ATXN8OS: variants seen among roughly 807,000 people sequenced by gnomAD.
ATXN8OS encodes the protein ATXN8 opposite strand lncRNA.
chr13:70,112,920 A>ATATATTTT (rs1555298511), intron 1 of ATXN8OS, among the ~76,000 whole-genome samples: 1,613 of 87,386 alleles, frequency 0.018, 132 homozygotes, highest in Non-Finnish European at 0.023. Flanking sequence ...TATATATATA[A>ATATATTTT]TTTTTTTTTT....
At chr13:70,107,699 TG>T, upstream of ATXN8OS, 1 of 1,519,856 alleles carries the variant, frequency 6.6e-7, no homozygotes, top group Non-Finnish European at 8.8e-7. Context: ...GAGCCTGACA[TG>T]CTTTACGCAC....
At chr13:70,132,858 A>ATG (rs1555300045) in intron 3 of ATXN8OS, among the ~76,000 whole-genome samples, 9 of 138,968 alleles carry the variant, frequency 6.5e-5, no homozygotes, top group African/African-American at 2.7e-4. Context: ...ACTAAAGTCT[A>ATG]TTTTTTTTTT....
chr13:70,109,620 T>C (rs1888168361), intron 1 of ATXN8OS, among the ~76,000 whole-genome samples: 1 of 152,210 alleles, frequency 6.6e-6, no homozygotes, highest in Non-Finnish European at 1.5e-5. Context: ...TTTTAAAATA[T>C]TGATTTATGC....
intron 2 of ATXN8OS, among the ~76,000 whole-genome samples, chr13:70,126,881 A>G (rs1283609719): frequency 1.3e-5 from 2 of 150,258 alleles, no homozygotes; most frequent in African/African-American, 5.0e-5. Flanking sequence ...ACATTTATAG[A>G]GTTTTCTATA....
At chr13:70,133,707 T>G (rs962506281) in intron 3 of ATXN8OS, among the ~76,000 whole-genome samples, 1 of 152,208 alleles carries the variant, frequency 6.6e-6, no homozygotes, top group African/African-American at 2.4e-5. Context: ...GGAGTTGGGC[T>G]GCTACAGCCA....
intron 4 of ATXN8OS, among the ~76,000 whole-genome samples, chr13:70,148,242 T>C (rs1888816240): frequency 6.6e-6 from 1 of 152,142 alleles, no homozygotes; most frequent in African/African-American, 2.4e-5. Flanking sequence ...GAGTATAAAA[T>C]TTCCCCACAA....
intron 2 of ATXN8OS, among the ~76,000 whole-genome samples, chr13:70,118,536 T>TA (rs1323811898): frequency 2.0e-5 from 3 of 152,080 alleles, no homozygotes; most frequent in African/African-American, 7.2e-5. Flanking sequence ...TATATACATA[T>TA]ATGCATTTAT....
At chr13:70,119,129 C>T (rs528518198) in intron 2 of ATXN8OS, among the ~76,000 whole-genome samples, 4 of 152,024 alleles carry the variant, frequency 2.6e-5, no homozygotes, top group African/African-American at 9.7e-5. Context: ...TAAAGTCTAA[C>T]TAACCCCACA....
intron 3 of ATXN8OS, among the ~76,000 whole-genome samples, chr13:70,140,220 T>C (rs1888691728): frequency 6.6e-6 from 1 of 152,124 alleles, no homozygotes; most frequent in Admixed American, 6.6e-5. Context: ...ATGTGGAAAT[T>C]ATAATAAAAT....
intron 3 of ATXN8OS, among the ~76,000 whole-genome samples, chr13:70,132,876 G>A: frequency 6.7e-6 from 1 of 150,144 alleles, no homozygotes. Context: ...TTTTGCATGT[G>A]CAAAGTCCAA....
chr13:70,148,756 A>G (rs1888823818), intron 4 of ATXN8OS, among the ~76,000 whole-genome samples: 1 of 152,118 alleles, frequency 6.6e-6, no homozygotes, highest in Non-Finnish European at 1.5e-5. Context: ...GTCTCTATCA[A>G]GAATTTGTAG....
upstream of ATXN8OS, chr13:70,107,588 G>A (rs751816506): frequency 3.1e-6 from 5 of 1,602,898 alleles, no homozygotes; most frequent in Admixed American, 1.7e-5. Flanking sequence ...TCCTGTTGCA[G>A]GCAGCCTCCC....
At chr13:70,152,495 A>G (rs1455718106) in intron 4 of ATXN8OS, among the ~76,000 whole-genome samples, 1 of 151,938 alleles carries the variant, frequency 6.6e-6, no homozygotes, top group Non-Finnish European at 1.5e-5. Context: ...ACACACGTGT[A>G]TATGTGTGTG....
At chr13:70,129,420 C>T (rs892431501) in intron 2 of ATXN8OS, among the ~76,000 whole-genome samples, 3 of 150,996 alleles carry the variant, frequency 2.0e-5, no homozygotes, top group Non-Finnish European at 4.4e-5. Flanking sequence ...TTTCACTAAT[C>T]GAAGAAGCTT....
intron 1 of ATXN8OS, among the ~76,000 whole-genome samples, chr13:70,112,920 A>ATATATATATATATTT (rs1555298511): frequency 8.0e-5 from 7 of 87,586 alleles, no homozygotes; most frequent in East Asian, 8.2e-4. Flanking sequence ...TATATATATA[A>ATATATATATATATTT]TTTTTTTTTT....
intron 2 of ATXN8OS, among the ~76,000 whole-genome samples, chr13:70,127,935 T>C (rs1185674412): frequency 1.3e-5 from 2 of 152,118 alleles, no homozygotes; most frequent in Non-Finnish European, 2.9e-5. Context: ...TGAGCGAGTT[T>C]TCACTAACAC....
chr13:70,159,859 A>G (rs1888982813), intron 4 of ATXN8OS, among the ~76,000 whole-genome samples: 1 of 152,198 alleles, frequency 6.6e-6, no homozygotes, highest in Non-Finnish European at 1.5e-5. Flanking sequence ...CATTGCATGT[A>G]TAGTTAATTT....
At chr13:70,132,782 T>C (rs1888552579) in intron 3 of ATXN8OS, among the ~76,000 whole-genome samples, 1 of 152,174 alleles carries the variant, frequency 6.6e-6, no homozygotes, top group Non-Finnish European at 1.5e-5. Context: ...ATAATGAACA[T>C]TTGACTGTGC....
At chr13:70,161,705 A>C (rs1889010420) in intron 4 of ATXN8OS, among the ~76,000 whole-genome samples, 1 of 151,850 alleles carries the variant, frequency 6.6e-6, no homozygotes, top group Non-Finnish European at 1.5e-5. Context: ...TCTCTGTTTC[A>C]TTTTCTGCCT....
Sources: allele counts gnomAD v4.1 joint callset (sites outside exome capture counted in the v4.1 genomes callset), GRCh38; gene constraint gnomAD v4.1.1; transcripts MANE v1.5; gene names NCBI Gene and HGNC (gene_info 2026-07-23, HGNC 2026-07-21).